Variants in PAK4 observed in about 807,000 individuals in gnomAD.
PAK4 encodes p21 (RAC1) activated kinase 4.
PAK4 carries 49 observed loss-of-function variants against 53.5 expected under a neutral mutation model. The ratio of observed to expected loss-of-function variants is 0.92; its 90% CI spans 0.73 to 1.16. The LOEUF (loss-of-function observed/expected upper bound fraction) is 1.16, where lower values mean the gene tolerates loss of function less well. PAK4 is among the 50% of genes most tolerant of loss of function. The probability of loss-of-function intolerance (pLI) is 0.00; values close to 1 mark genes in which losing one functional copy is unlikely to be tolerated. For missense variants in PAK4, 824 were observed against 850.7 expected (o/e 0.97, Z 0.39); for synonymous variants, 376 against 375.6 (o/e 1.00, Z -0.01).
intron 1 of PAK4, among the ~76,000 whole-genome samples, chr19:39,163,136 G>A (rs2074311901): frequency 6.6e-6 from 1 of 152,212 alleles, no homozygotes. Flanking sequence ...GGTAAACTGA[G>A]GCAGGGAGGG....
chr19:39,126,997 G>A (rs981429803), intron 1 of PAK4, among the ~76,000 whole-genome samples: 1 of 152,176 alleles, frequency 6.6e-6, no homozygotes, highest in Admixed American at 6.5e-5. Context: ...GAAGCAGGGG[G>A]CTGGGCAGGG....
rs143360302 is a variant in PAK4, at chr19:39,175,153, G to C, written c.1232+89G>C. ...GGGGCCACATCTCCAAACCAGCTGT[G>C]CTCCGGGCCCCTGGGATGGGGTCGT... On this transcript the variant is annotated intron_variant, in intron 5 of 8. Coordinates refer to ENST00000358301, the Ensembl canonical transcript of PAK4. This position sits in a 1 kb window ranked among gnomAD's most constrained non-coding sequence, Gnocchi z 4.7. 4.3e-3 allele frequency: 6,620 copies of C among 1,524,148 alleles called. 27 individuals are homozygous for C. The highest frequency in any genetic ancestry group is 4.8e-3 in the Non-Finnish European group (5,357 of 1,123,262). The allele number at this position is 1,524,148 out of a possible 1,614,324, so 94.4% of individuals were successfully genotyped here.
Position 39,169,742 on chromosome 19 carries a change from G to C in PAK4, c.189G>C (p.Gln63His), listed in dbSNP as rs1403336982. ...ACCCCGCCTGCATCACCTCCATCCA[G>C]CCCGGGGCCCCCAAGGTATGTGGCA... Residue 63 changes from glutamine (Q) to histidine (H), a missense_variant, in exon 2 of 9, where the codon CAG becomes CAC. Around this residue, in one of 2 missense-constraint regions of PAK4, gnomAD observed 478 missense variants for 435.8 expected, o/e 1.10. Transcript: ENST00000358301. 16 of 1,602,316 alleles carry C rather than the reference G, an allele frequency of 1.0e-5. No homozygotes were observed. The highest frequency in any genetic ancestry group is 1.3e-5 in the Non-Finnish European group (15 of 1,174,344).
intron 1 of PAK4, among the ~76,000 whole-genome samples, chr19:39,144,985 A>G (rs182326033): frequency 2.6e-4 from 40 of 152,300 alleles, no homozygotes; most frequent in Middle Eastern, 3.4e-3. Context: ...ATTATAAAGC[A>G]AACAGCCATG....
At chr19:39,149,745 A>G (rs757534710) in intron 1 of PAK4, among the ~76,000 whole-genome samples, 1 of 152,182 alleles carries the variant, frequency 6.6e-6, no homozygotes, top group Non-Finnish European at 1.5e-5. Context: ...AGTCCCAGCT[A>G]CATGGAAGGC....
intron 1 of PAK4, among the ~76,000 whole-genome samples, chr19:39,151,014 C>T (rs999390667): frequency 4.6e-5 from 7 of 151,750 alleles, no homozygotes; most frequent in East Asian, 1.9e-4. Context: ...ACGCCATGAA[C>T]GTGGGAAGGA....
chr19:39,166,256 C>G (rs1025134662), intron 1 of PAK4, among the ~76,000 whole-genome samples: 1 of 152,194 alleles, frequency 6.6e-6, no homozygotes, highest in African/African-American at 2.4e-5. Context: ...CCAGCCTGGC[C>G]AACATGGTGA....
intron 1 of PAK4, among the ~76,000 whole-genome samples, chr19:39,165,118 C>G (rs926046227): frequency 1.3e-5 from 2 of 150,600 alleles, no homozygotes; most frequent in Non-Finnish European, 3.0e-5. Context: ...AAGGCAAGGT[C>G]TGGGTGTAGA....
Position 39,137,189 on chromosome 19 carries a change from C to T in PAK4, c.-23+11270C>T, listed in dbSNP as rs2073831126. 2.0e-5 allele frequency among the ~76,000 whole-genome samples: 3 copies of T among 152,084 alleles called. No homozygotes were observed. In the South Asian group the frequency reaches 6.2e-4, roughly 31 times the overall value. On this transcript the variant is annotated intron_variant, in intron 1 of 8. Coordinates refer to ENST00000358301, the Ensembl canonical transcript of PAK4. The stretch of plus-strand genomic sequence containing the variant: ...TTTTTCCAACAAATTTGGTGGAGTG[C>T]TGACCCGTGTGGCCTCCAGGGATGC...
chr19:39,130,568 A>T (rs4611580), intron 1 of PAK4, among the ~76,000 whole-genome samples: 1 of 151,936 alleles, frequency 6.6e-6, no homozygotes, highest in Non-Finnish European at 1.5e-5. Context: ...ATGGTCGAGG[A>T]TCATCAGATA....
At chr19:39,146,876 A>AGAGG (rs2074007337) in intron 1 of PAK4, among the ~76,000 whole-genome samples, 1 of 146,054 alleles carries the variant, frequency 6.8e-6, no homozygotes, top group African/African-American at 2.5e-5. Context: ...AGAAAGGGAG[A>AGAGG]GAGGGAGGGA....
At chr19:39,147,098 ATGTCATTGACATTGACAT>A (rs1201045921) in intron 1 of PAK4, among the ~76,000 whole-genome samples, 25 of 29,584 alleles carry the variant, frequency 8.5e-4, no homozygotes, top group African/African-American at 2.6e-3. Flanking sequence ...GTCAATGACA[ATGTCATTGACATTGACAT>A]TGTCAGTCAC....
At position 39,129,086 on chromosome 19, in the gene PAK4, A is replaced by T. The variant is rs111763060; in HGVS notation, c.-23+3167A>T. On this transcript the variant is annotated intron_variant, in intron 1 of 8. Transcript: ENST00000358301. ...GCTGTTTTTGTTCAACATTATAGGT[A>T]TATTTGAGATGGGATCTTGCTATGT... is the stretch of plus-strand genomic sequence containing the variant. Among the ~76,000 whole-genome samples, 698 of 152,252 alleles carry T rather than the reference A, an allele frequency of 4.6e-3. 3 individuals carry two copies. Among genetic ancestry groups the T allele is most frequent in the Non-Finnish European group, 7.2e-3 (491 of 68,016 alleles).
Position 39,176,832 on chromosome 19 carries a change from T to C in PAK4, c.1485+117T>C, listed in dbSNP as rs1432577859. On this transcript the variant is annotated intron_variant, in intron 7 of 8. Coordinates refer to ENST00000358301, the Ensembl canonical transcript of PAK4. Reference sequence around the variant, plus strand: ...GGGGAGTCATTGCCAGGAATGGTGCTCTGGACAAGGAGGTACTGCAGGCAT... The same window carrying C: ...GGGGAGTCATTGCCAGGAATGGTGCCCTGGACAAGGAGGTACTGCAGGCAT... 5.5e-6 allele frequency: 7 copies of C among 1,277,986 alleles called. No individual in the cohort carries two copies. In the Admixed American group the frequency reaches 1.2e-4, roughly 21 times the overall value. The allele number at this position is 1,277,986 out of a possible 1,614,324, so 79.2% of individuals were successfully genotyped here. A position where few individuals can be genotyped will look rare whatever the true frequency, so the allele number is the denominator to read the frequency against.
exon 7 of PAK4, chr19:39,176,679 C>T (rs2074611830): frequency 1.9e-6 from 3 of 1,612,442 alleles, no homozygotes; most frequent in African/African-American, 2.7e-5. Context: ...ACTGGATGGC[C>T]CCAGAGCTCA....
In PAK4 at chr19:39,175,261, C is replaced by T; in HGVS notation, c.1233-51C>T. The stretch of plus-strand genomic sequence containing the variant: ...CAAGGCAGGGCTGCGTCCCCCTCGG[C>T]ACCCCGGGGTGCTGTCCAGCTGGCT... On this transcript the variant is annotated intron_variant, in intron 5 of 8. Coordinates refer to ENST00000358301, the Ensembl canonical transcript of PAK4. This position sits in a 1 kb window ranked among gnomAD's most constrained non-coding sequence, Gnocchi z 4.7. The T allele has an allele frequency of 6.5e-7, 1 of 1,536,838 alleles. No homozygotes were observed. Among genetic ancestry groups the T allele is most frequent in the South Asian group, 1.2e-5 (1 of 84,038 alleles).
chr19:39,146,814 G>A (rs930643449), intron 1 of PAK4, among the ~76,000 whole-genome samples: 3 of 151,588 alleles, frequency 2.0e-5, no homozygotes, highest in African/African-American at 4.9e-5. Flanking sequence ...CTCCAGCCTG[G>A]GCAACAGAAT....
chr19:39,163,368 G>A (rs1489680285), intron 1 of PAK4, among the ~76,000 whole-genome samples: 1 of 152,210 alleles, frequency 6.6e-6, no homozygotes, highest in African/African-American at 2.4e-5. Flanking sequence ...CCTTCCAGGG[G>A]CAGCAGCTTT....
Position 39,144,137 on chromosome 19 carries a change from CAGACAGAT to C in PAK4, c.-23+18222_-23+18229del, listed in dbSNP as rs1445692738. The stretch of plus-strand genomic sequence containing the variant: ...ATAGATAGACAGACAGACAGACAGA[CAGACAGAT>C]AGATAGATAGATAGATTAGATTAGA... On this transcript the variant is annotated intron_variant, in intron 1 of 8. Coordinates refer to ENST00000358301, the Ensembl canonical transcript of PAK4. Among the ~76,000 whole-genome samples, 864 of 109,424 alleles carry C rather than the reference CAGACAGAT, an allele frequency of 7.9e-3. 2 individuals carry two copies. Among genetic ancestry groups the C allele is most frequent in the Non-Finnish European group, 0.011 (548 of 49,906 alleles). The allele number at this position is 109,424 out of a possible 152,430, so 71.8% of individuals were successfully genotyped here. A position where few individuals can be genotyped will look rare whatever the true frequency, so the allele number is the denominator to read the frequency against.
Sources: allele counts gnomAD v4.1 joint callset (sites outside exome capture counted in the v4.1 genomes callset), GRCh38; gene constraint gnomAD v4.1.1; regional missense constraint gnomAD v4.1.1; non-coding constraint Gnocchi (gnomAD v3.1); transcripts MANE v1.5; gene names NCBI Gene and HGNC (gene_info 2026-07-23, HGNC 2026-07-21).